The following ZFAND6 variants were observed in gnomAD, a reference collection of about 807,000 sequenced individuals.
The protein encoded by ZFAND6 is zinc finger AN1-type containing 6.
A neutral mutation model predicts 24.5 loss-of-function variants in ZFAND6; 12 were observed. That is an observed-to-expected ratio of 0.49 (90% CI 0.31 to 0.79). The LOEUF (loss-of-function observed/expected upper bound fraction) is 0.79, where lower values mean the gene tolerates loss of function less well. Among genes scored for constraint, ZFAND6 ranks in the 30% least tolerant of loss-of-function variants. The probability of loss-of-function intolerance (pLI) is 0.04; values close to 1 mark genes in which losing one functional copy is unlikely to be tolerated. For synonymous variants in ZFAND6, 92 were observed against 81.5 expected (o/e 1.13, Z -0.69); for missense variants, 207 against 245.9 (o/e 0.84, Z 1.06).
Position 80,125,936 on chromosome 15 carries a change from G to A in ZFAND6, c.364+3136G>A, listed in dbSNP as rs1276863262. 9.2e-5 allele frequency among the ~76,000 whole-genome samples: 14 copies of A among 152,296 alleles called. No homozygotes were observed. The East Asian group carries it at 1.9e-3, about 21-fold the overall frequency. The stretch of plus-strand genomic sequence containing the variant: ...TACTGAGATAATGGAGGTTGGATGA[G>A]CTTTGTAAGCTGCAGAAGATATTCT... On this transcript the variant is annotated intron_variant, in intron 5 of 6. Transcript: ENST00000261749.
rs149756891 is a variant in ZFAND6, at chr15:80,065,537, A to ATTTTTTTTTTTTTTTTTTTTTTTTT, written c.-181+5729_-181+5753dup. On this transcript the variant is annotated intron_variant, in intron 1 of 6. Coordinates refer to ENST00000261749, the MANE Select transcript of ZFAND6 (RefSeq NM_019006.4). ...GGGCTTCAAATTAGTTTTGGTTTTG[A>ATTTTTTTTTTTTTTTTTTTTTTTTT]TTTTTTTTTTTTTTTTTTTTTTTTT... Among the ~76,000 whole-genome samples, 13 of 76,498 alleles carry ATTTTTTTTTTTTTTTTTTTTTTTTT rather than the reference A, an allele frequency of 1.7e-4. 1 individual carries two copies. The highest frequency in any genetic ancestry group is 4.1e-4 in the East Asian group (1 of 2,448). 50.2% of individuals were successfully genotyped at this position (76,498 alleles called of 152,430 possible). A position where few individuals can be genotyped will look rare whatever the true frequency, so the allele number is the denominator to read the frequency against.
At chr15:80,126,085 A>G (rs2040359169) in intron 5 of ZFAND6, among the ~76,000 whole-genome samples, 1 of 152,198 alleles carries the variant, frequency 6.6e-6, no homozygotes, top group Admixed American at 6.5e-5. Flanking sequence ...GAAGCATTCT[A>G]GGAAAGATGA....
At chr15:80,063,096 A>G (rs2036422428) in intron 1 of ZFAND6, among the ~76,000 whole-genome samples, 1 of 152,202 alleles carries the variant, frequency 6.6e-6, no homozygotes, top group Admixed American at 6.5e-5. Context: ...TATACCAAAT[A>G]AAATTGAAAC....
intron 1 of ZFAND6, among the ~76,000 whole-genome samples, chr15:80,062,182 G>A (rs2036370704): frequency 6.6e-6 from 1 of 152,100 alleles, no homozygotes. Context: ...TTTCTCTTGT[G>A]CCTTAGCATA....
intron 5 of ZFAND6, among the ~76,000 whole-genome samples, chr15:80,125,909 G>C (rs2040351874): frequency 6.6e-6 from 1 of 152,204 alleles, no homozygotes; most frequent in Non-Finnish European, 1.5e-5. Flanking sequence ...GGTATTAAAA[G>C]ATACTGAGAT....
intron 5 of ZFAND6, among the ~76,000 whole-genome samples, chr15:80,126,895 T>A (rs2040391196): frequency 6.6e-6 from 1 of 151,284 alleles, no homozygotes; most frequent in Non-Finnish European, 1.5e-5. Context: ...GGCAGATCAC[T>A]TGAGCTCAAG....
At chr15:80,082,442 G>C (rs753740329) in intron 1 of ZFAND6, among the ~76,000 whole-genome samples, 43 of 152,210 alleles carry the variant, frequency 2.8e-4, no homozygotes, top group Non-Finnish European at 4.7e-4. Flanking sequence ...AGCCTAGATT[G>C]AAATTGGGAA....
At chr15:80,121,605 A>G in intron 3 of ZFAND6, 107 bp from the exon 4 acceptor site, 1 of 764,980 alleles carries the variant, frequency 1.3e-6, no homozygotes, top group Non-Finnish European at 1.9e-6. Flanking sequence ...TATTAAAAGA[A>G]AACCTCTATA....
intron 6 of ZFAND6, 182 bp downstream of exon 6, chr15:80,131,475 T>C: frequency 8.3e-6 from 4 of 480,760 alleles, no homozygotes; most frequent in Non-Finnish European, 1.1e-5. Context: ...AAAAGTGAAA[T>C]GAATAGCTTT....
chr15:80,105,289 T>TA (rs946830561), intron 2 of ZFAND6, among the ~76,000 whole-genome samples: 3 of 152,184 alleles, frequency 2.0e-5, no homozygotes, highest in African/African-American at 7.2e-5. Context: ...ACACTTTTAA[T>TA]AAAAAACGGT....
intron 2 of ZFAND6, chr15:80,112,916 C>T (rs1467257341): frequency 2.4e-5 from 11 of 454,884 alleles, no homozygotes; most frequent in South Asian, 3.1e-5. Flanking sequence ...TCCTATTTTG[C>T]ACTCTTCTGG....
intron 1 of ZFAND6, among the ~76,000 whole-genome samples, chr15:80,091,966 G>A (rs1256353999): frequency 6.6e-6 from 1 of 152,106 alleles, no homozygotes; most frequent in Non-Finnish European, 1.5e-5. Context: ...ATCTCACTTT[G>A]ACTGTTAATG....
chr15:80,095,079 A>AT (rs149482469), intron 1 of ZFAND6, among the ~76,000 whole-genome samples: 3,986 of 149,674 alleles, frequency 0.027, 164 homozygotes, highest in African/African-American at 0.092. Context: ...TTCTTTAGGG[A>AT]TTTTTTTTTT....
chr15:80,086,669 T>C (rs1315754702), intron 1 of ZFAND6, among the ~76,000 whole-genome samples: 7 of 152,338 alleles, frequency 4.6e-5, no homozygotes, highest in Admixed American at 2.0e-4. Flanking sequence ...TGATAAAATA[T>C]ACATAAAATT....
At chr15:80,103,010 A>G (rs562614477) in intron 2 of ZFAND6, among the ~76,000 whole-genome samples, 2 of 152,320 alleles carry the variant, frequency 1.3e-5, no homozygotes, top group Non-Finnish European at 2.9e-5. Flanking sequence ...CCCCACCTCC[A>G]TCCATGACTT....
At position 80,099,618 on chromosome 15, in the gene ZFAND6, CTTT is replaced by C. The variant is rs3082079; in HGVS notation, c.-18+1054_-18+1056del. On this transcript the variant is annotated intron_variant, in intron 2 of 6. Transcript: ENST00000261749. ...AGAATACACACTGAATATGGATATC[CTTT>C]TTTTTTTTTTTTTCGAGACGGAGTC... Among the ~76,000 whole-genome samples the C allele has an allele frequency of 5.5e-5, 6 of 109,180 alleles. 1 individual carries two copies. Among genetic ancestry groups the C allele is most frequent in the Admixed American group, 2.5e-4 (2 of 8,122 alleles). 71.6% of individuals were successfully genotyped at this position (109,180 alleles called of 152,430 possible). A position where few individuals can be genotyped will look rare whatever the true frequency, so the allele number is the denominator to read the frequency against.
intron 2 of ZFAND6, chr15:80,115,044 TAGCTGCTTACCAGA>T (rs2039808594): frequency 6.6e-6 from 1 of 152,188 alleles, no homozygotes; most frequent in Non-Finnish European, 1.5e-5. Flanking sequence ...GACACTGACT[TAGCTGCTTACCAGA>T]AGGGGAACTT....
At chr15:80,096,745 C>G (rs141788381) in intron 1 of ZFAND6, among the ~76,000 whole-genome samples, 1 of 152,132 alleles carries the variant, frequency 6.6e-6, no homozygotes, top group African/African-American at 2.4e-5. Flanking sequence ...GAAATTTAGA[C>G]CAATATACAT....
chr15:80,132,803 G>A (rs2040668261), intron 6 of ZFAND6, among the ~76,000 whole-genome samples: 1 of 152,154 alleles, frequency 6.6e-6, no homozygotes, highest in Non-Finnish European at 1.5e-5. Flanking sequence ...GAAGAGAAAA[G>A]TCTGACATTA....
Sources: gnomAD v4.1 joint callset for allele counts (sites outside exome capture counted in the v4.1 genomes callset) on GRCh38, gnomAD v4.1.1 for gene constraint, MANE v1.5 for transcripts, NCBI Gene and HGNC (gene_info 2026-07-23, HGNC 2026-07-21) for gene names.